DDX43: variants seen among roughly 807,000 people sequenced by gnomAD.
DDX43 encodes DEAD-box helicase 43, also known as probable ATP-dependent RNA helicase DDX43.
Under a neutral mutation model 84.9 loss-of-function variants are expected in DDX43, and 50 were observed. The observed-to-expected ratio is 0.59, with a 90% CI of 0.47 to 0.75. The LOEUF is 0.75. Ranked by LOEUF, DDX43 falls within the 30% of genes least tolerant of loss-of-function variation. The probability of loss-of-function intolerance (pLI) is 0.00; values close to 1 mark genes in which losing one functional copy is unlikely to be tolerated. For synonymous variants in DDX43, 291 were observed against 266.3 expected (o/e 1.09, Z -0.90); for missense variants, 689 against 798.6 (o/e 0.86, Z 1.65).
At position 73,410,768 on chromosome 6, in the gene DDX43, T is replaced by A. The variant is rs190281463; in HGVS notation, c.1280+1420T>A. The stretch of plus-strand genomic sequence containing the variant: ...CCACCACACCCAGCTCATTTTTGTA[T>A]TTTTTGTAGAGACAGGGTTATCACC... On this transcript the variant is annotated intron_variant, in intron 10 of 16. Coordinates refer to ENST00000370336, the MANE Select transcript of DDX43 (RefSeq NM_018665.3). Among the ~76,000 whole-genome samples the A allele has an allele frequency of 1.4e-4, 22 of 152,222 alleles. 1 individual carries two copies. In the East Asian group the frequency reaches 3.9e-3, roughly 27 times the overall value.
chr6:73,411,559 C>T (rs1471479499), intron 10 of DDX43, among the ~76,000 whole-genome samples: 2 of 152,004 alleles, frequency 1.3e-5, no homozygotes, highest in Non-Finnish European at 2.9e-5. Flanking sequence ...AAACTCCTGA[C>T]CTCAAGTGAT....
intron 2 of DDX43, 77 bp from the exon 3 acceptor site, chr6:73,400,157 G>A: frequency 8.2e-7 from 1 of 1,222,966 alleles, no homozygotes; most frequent in Non-Finnish European, 1.1e-6. Flanking sequence ...ATTGTTGGAA[G>A]GGGTTAGGGG....
intron 10 of DDX43, among the ~76,000 whole-genome samples, chr6:73,411,140 C>T (rs1243373703): frequency 8.3e-6 from 1 of 120,108 alleles, no homozygotes; most frequent in East Asian, 3.4e-4. Context: ...CACGCCACTG[C>T]ACTCCAACCT....
In DDX43 at chr6:73,400,383, T is replaced by C. The variant is rs112342050; in HGVS notation, c.436+20T>C. 6.3e-7 allele frequency: 1 copy of C among 1,585,106 alleles called. No individual in the cohort carries two copies. The highest frequency in any genetic ancestry group is 8.6e-7 in the Non-Finnish European group (1 of 1,169,248). On this transcript the variant is annotated intron_variant, in intron 3 of 16. Coordinates refer to ENST00000370336, the MANE Select transcript of DDX43 (RefSeq NM_018665.3). ...GAATTGGTAAGTAATTTTCTCCCAC[T>C]GAACCCCTTTAAAAGTTTTTAATTT...
Position 73,412,307 on chromosome 6 carries a change from A to G in DDX43, c.1368+15A>G, listed in dbSNP as rs372169541. ...TGGATCTAGTTGTAAGCTTTTTTTT[A>G]TTACTATTGTTTAACATTTCTTATG... On this transcript the variant is annotated intron_variant, in intron 11 of 16. Transcript: ENST00000370336. The G allele has an allele frequency of 5.0e-6, 8 of 1,589,400 alleles. No homozygotes were observed. The highest frequency in any genetic ancestry group is 1.4e-5 in the African/African-American group (1 of 73,762).
At chr6:73,405,113 G>GAA (rs201272137) in intron 5 of DDX43, among the ~76,000 whole-genome samples, 1 of 134,614 alleles carries the variant, frequency 7.4e-6, no homozygotes. Context: ...TAGTTGAATT[G>GAA]AAAAAAAAAA....
intron 9 of DDX43, among the ~76,000 whole-genome samples, chr6:73,408,709 A>G (rs1445887004): frequency 1.3e-5 from 2 of 151,824 alleles, no homozygotes; most frequent in Admixed American, 6.6e-5. Context: ...GGCTCCCACC[A>G]CCACACCTGG....
chr6:73,412,694 CGTGCGT>C (rs1562286217), intron 11 of DDX43, among the ~76,000 whole-genome samples: 4 of 127,024 alleles, frequency 3.1e-5, no homozygotes, highest in African/African-American at 9.0e-5. Flanking sequence ...TGTGTGTGCG[CGTGCGT>C]GCGCACGCAT....
Position 73,395,047 on chromosome 6 carries a change from G to C in DDX43, c.142G>C (p.Gly48Arg), listed in dbSNP as rs763464287. 2.5e-6 allele frequency: 4 copies of C among 1,614,048 alleles called. No individual in the cohort carries two copies. In the African/African-American group the frequency reaches 5.3e-5, roughly 22 times the overall value. Residue 48 changes from glycine to arginine, a missense_variant, in exon 1 of 17, where the codon GGT (glycine) becomes CGT (arginine). Around this residue, in one of 2 missense-constraint regions of DDX43, gnomAD observed 137 missense variants for 105.9 expected, o/e 1.29. Transcript: ENST00000370336. ...TGPEGYSVGRGGRWRGTSRPP... is the reference protein window; with the variant it reads ...TGPEGYSVGRRGRWRGTSRPP... Reference sequence around the variant, plus strand: ...TCCTGAGGGATATAGTGTCGGCAGAGGTGGTCGCTGGAGAGGCACCTCTAG... The same window carrying C: ...TCCTGAGGGATATAGTGTCGGCAGACGTGGTCGCTGGAGAGGCACCTCTAG...
chr6:73,399,810 C>G (rs1582635259), intron 2 of DDX43, among the ~76,000 whole-genome samples: 2 of 152,144 alleles, frequency 1.3e-5, no homozygotes, highest in Admixed American at 6.5e-5. Flanking sequence ...CCTGGCAGTT[C>G]AGTGAACTCT....
chr6:73,404,797 G>GTT, intron 5 of DDX43, 26 bp downstream of exon 5: 1 of 1,543,824 alleles, frequency 6.5e-7, no homozygotes, highest in East Asian at 2.3e-5. Context: ...ACCTAGTTGT[G>GTT]TAAGTATTTG....
At chr6:73,416,674 G>C (rs1387891144) in intron 16 of DDX43, among the ~76,000 whole-genome samples, 1 of 152,210 alleles carries the variant, frequency 6.6e-6, no homozygotes, top group Non-Finnish European at 1.5e-5. Flanking sequence ...TGACAAAGTA[G>C]AATGGTGGTT....
At position 73,414,620 on chromosome 6, in the gene DDX43, A is replaced by T. The variant is rs1478729670; in HGVS notation, c.1679A>T (p.Tyr560Phe). The T allele has an allele frequency of 1.2e-6, 2 of 1,613,872 alleles. No homozygotes were observed. The highest frequency in any genetic ancestry group is 2.2e-5 in the East Asian group (1 of 44,870). ...GLDVHDVTHV[Y>F]NFDFPRNIEE... Reference sequence around the variant, plus strand: ...GATGTCCATGACGTTACACATGTCTATAATTTTGACTTTCCACGGAATATT... The same window carrying T: ...GATGTCCATGACGTTACACATGTCTTTAATTTTGACTTTCCACGGAATATT... Residue 560 changes from tyrosine to phenylalanine, a missense_variant, in exon 14 of 17, where the codon TAT (tyrosine) becomes TTT (phenylalanine). Around this residue, in one of 2 missense-constraint regions of DDX43, gnomAD observed 552 missense variants for 692.7 expected, o/e 0.80. Transcript: ENST00000370336.
chr6:73,407,960 T>C lies in DDX43; in HGVS notation c.1038T>C (p.Ser346=), dbSNP rs1769714563. The C allele has an allele frequency of 6.2e-7, 1 of 1,610,394 alleles. No homozygotes were observed. Among genetic ancestry groups the C allele is most frequent in the Non-Finnish European group, 8.5e-7 (1 of 1,178,458 alleles). The change falls in exon 9 of 17, where the codon AGT becomes AGC. Residue 346 remains serine (S), a splice_region_variant and synonymous_variant. Coordinates refer to ENST00000370336, the MANE Select transcript of DDX43 (RefSeq NM_018665.3). ...AACCTTTAGATTTTTTCTTTTTAAG[T>C]GTTTGTGTATATGGTGGTGGAAATA... ...CCKYSYKGLR[S]VCVYGGGNRD...
intron 1 of DDX43, among the ~76,000 whole-genome samples, chr6:73,395,733 G>C (rs504194): frequency 6.6e-6 from 1 of 151,842 alleles, no homozygotes; most frequent in Non-Finnish European, 1.5e-5. Flanking sequence ...GGGATGCTTA[G>C]AACAGGCCTT....
chr6:73,407,017 A>G (rs1769698897), intron 7 of DDX43: 2 of 154,006 alleles, frequency 1.3e-5, no homozygotes, highest in African/African-American at 4.8e-5. Context: ...AGGTACGTAG[A>G]TCATAATTAG....
At chr6:73,400,064 T>G (rs145803970) in intron 2 of DDX43, among the ~76,000 whole-genome samples, 170 bp from the exon 3 acceptor site, 26 of 152,336 alleles carry the variant, frequency 1.7e-4, no homozygotes, top group African/African-American at 5.8e-4. Context: ...ATAAGTAGTA[T>G]TCCTCTCTAA....
In DDX43 at chr6:73,404,724, G is replaced by A. The variant is rs1287097366; in HGVS notation, c.603G>A (p.Glu201=). The change falls in exon 5 of 17, where the codon GAG becomes GAA. Residue 201 remains glutamate (E), a synonymous_variant. Transcript: ENST00000370336. Reference sequence around the variant, plus strand: ...CAATTAAGAAAAACTTTTATAAAGAGTCCACTGCCACAAGTGCCATGTCAA... The same window carrying A: ...CAATTAAGAAAAACTTTTATAAAGAATCCACTGCCACAAGTGCCATGTCAA... ...LPPIKKNFYK[E]STATSAMSKV... The A allele has an allele frequency of 6.2e-7, 1 of 1,613,342 alleles. No individual in the cohort carries two copies. Among genetic ancestry groups the A allele is most frequent in the South Asian group, 1.1e-5 (1 of 90,766 alleles).
In DDX43 at chr6:73,415,552, G is replaced by C. The variant is rs1769885682; in HGVS notation, c.1801G>C (p.Glu601Gln). The C allele has an allele frequency of 1.2e-6, 2 of 1,612,950 alleles. No homozygotes were observed. Among genetic ancestry groups the C allele is most frequent in the African/African-American group, 1.3e-5 (1 of 74,980 alleles). ...LTRNDWRVAS[E>Q]LINILERANQ... is the part of the protein sequence containing the mutation. The stretch of plus-strand genomic sequence containing the variant: ...TAGAAATGATTGGAGGGTTGCCTCT[G>C]AATTGATTAATATTCTGGAAAGAGC... Residue 601 changes from glutamate to glutamine, a missense_variant, in exon 15 of 17, where the codon GAA (glutamate) becomes CAA (glutamine). By Grantham distance (29) the Glu-to-Gln change is conservative (BLOSUM62 2). Around this residue, in one of 2 missense-constraint regions of DDX43, gnomAD observed 552 missense variants for 692.7 expected, o/e 0.80. Coordinates refer to ENST00000370336, the MANE Select transcript of DDX43 (RefSeq NM_018665.3).
Sources: gnomAD v4.1 joint callset for allele counts (sites outside exome capture counted in the v4.1 genomes callset) on GRCh38, gnomAD v4.1.1 for gene constraint, gnomAD v4.1.1 regional missense constraint, MANE v1.5 for transcripts, NCBI Gene and HGNC (gene_info 2026-07-23, HGNC 2026-07-21) for gene names.